Variants in HIVEP1 observed in about 807,000 individuals in gnomAD.
HIVEP1 encodes the protein HIVEP zinc finger 1, also known as zinc finger protein 40.
In HIVEP1, 36 loss-of-function variants were observed where a neutral mutation model predicts 180.0. The observed-to-expected ratio is 0.20, with a 90% CI of 0.15 to 0.26. HIVEP1 has a LOEUF of 0.26. HIVEP1 is among the 10% of genes least tolerant of loss of function. The probability of loss-of-function intolerance (pLI) is 1.00; values close to 1 mark genes in which losing one functional copy is unlikely to be tolerated. For missense variants in HIVEP1, 3,143 were observed against 3,268.7 expected, an observed-to-expected ratio of 0.96 and a Z score of 0.94; for synonymous variants, 1,239 against 1,239.0, an observed-to-expected ratio of 1.00 and a Z score of 0.00.
intron 2 of HIVEP1, among the ~76,000 whole-genome samples, chr6:12,056,365 CTG>C (rs530801882): frequency 2.0e-5 from 3 of 152,140 alleles, no homozygotes; most frequent in Non-Finnish European, 4.4e-5. Flanking sequence ...TAATAATAAT[CTG>C]TGTTTCCTTC....
At chr6:12,053,754 C>T (rs189776715) in intron 2 of HIVEP1, among the ~76,000 whole-genome samples, 2 of 152,236 alleles carry the variant, frequency 1.3e-5, no homozygotes, top group East Asian at 1.9e-4. Context: ...CATAGCAAAC[C>T]CCTTCCCCCA....
At chr6:12,016,526 A>T (rs1222569136) in intron 2 of HIVEP1, among the ~76,000 whole-genome samples, 2 of 152,202 alleles carry the variant, frequency 1.3e-5, no homozygotes, top group African/African-American at 2.4e-5. Context: ...AATTAATTTG[A>T]AATGTTTTTT....
At chr6:12,013,811 C>G (rs954092101) in intron 1 of HIVEP1, among the ~76,000 whole-genome samples, 4 of 99,812 alleles carry the variant, frequency 4.0e-5, no homozygotes, top group African/African-American at 1.5e-4. Flanking sequence ...AGATGAAATA[C>G]TTAGACCATC....
chr6:12,129,825 A>G lies in HIVEP1; in HGVS notation c.6142A>G (p.Ser2048Gly), dbSNP rs1255363448. 6.3e-7 allele frequency: 1 copy of G among 1,586,420 alleles called. No individual in the cohort carries two copies. The highest frequency in any genetic ancestry group is 8.7e-7 in the Non-Finnish European group (1 of 1,154,998). ...FSNKDASEIN[S>G]EQDKENSLIK... is the part of the protein sequence containing the mutation. ...CAATAAAGATGCCTCTGAAATTAAC[A>G]GTGAGCAAGATAAAGAAAATTCCTT... Residue 2048 changes from serine (S) to glycine (G), a missense_variant, in exon 5 of 9, where the codon AGT becomes GGT. Around this residue, in one of 12 missense-constraint regions of HIVEP1, gnomAD observed 1,357 missense variants for 1,260.5 expected, o/e 1.08. Coordinates refer to ENST00000379388, the MANE Select transcript of HIVEP1 (RefSeq NM_002114.4).
downstream of HIVEP1, among the ~76,000 whole-genome samples, chr6:12,165,911 C>T (rs569878945): frequency 6.6e-6 from 1 of 152,310 alleles, no homozygotes; most frequent in East Asian, 1.9e-4. Flanking sequence ...GTATCCTTAT[C>T]TCAATTAGGA....
At position 12,158,786 on chromosome 6, in the gene HIVEP1, C is replaced by T. The variant is rs73722706; in HGVS notation, c.6488-2653C>T. Reference sequence around the variant, plus strand: ...CAGCAGTGTCCTAAGGACAACAGTGCGTGCCGCCCTTCTCCTCACAGGATA... The same window carrying T: ...CAGCAGTGTCCTAAGGACAACAGTGTGTGCCGCCCTTCTCCTCACAGGATA... On this transcript the variant is annotated intron_variant, in intron 7 of 8. Coordinates refer to ENST00000379388, the MANE Select transcript of HIVEP1 (RefSeq NM_002114.4). Among the ~76,000 whole-genome samples, 972 of 152,280 alleles carry T rather than the reference C, an allele frequency of 6.4e-3. 6 individuals carry two copies. Among genetic ancestry groups the T allele is most frequent in the African/African-American group, 0.022 (912 of 41,540 alleles).
At chr6:12,071,339 C>T (rs527359944) in intron 2 of HIVEP1, among the ~76,000 whole-genome samples, 1 of 152,308 alleles carries the variant, frequency 6.6e-6, no homozygotes, top group South Asian at 2.1e-4. Flanking sequence ...CCAGCCAGAG[C>T]CCTCTGTGCC....
chr6:12,130,823 T>C lies in HIVEP1; in HGVS notation c.6266T>C (p.Ile2089Thr), dbSNP rs1435267062. ...CGAGGCAGGGGAAGAGGAAAATACA[T>C]TTGTGAAGAATGTGGAATACGTTGT... Reference protein sequence around the residue: ...YVRGRGRGKYICEECGIRCKK... With the variant: ...YVRGRGRGKYTCEECGIRCKK... Residue 2089 changes from isoleucine to threonine, a missense_variant, in exon 6 of 9, where the codon ATT becomes ACT. Ile to Thr is a moderately conservative substitution (Grantham distance 89). This residue lies in a region of HIVEP1 where 126 missense variants were observed against 168.5 expected (regional missense o/e 0.75). Transcript: ENST00000379388. 1 of 1,611,832 alleles carries C rather than the reference T, an allele frequency of 6.2e-7. No individual in the cohort carries two copies. The highest frequency in any genetic ancestry group is 8.5e-7 in the Non-Finnish European group (1 of 1,178,022).
At chr6:12,154,185 T>C (rs559364980) in intron 7 of HIVEP1, among the ~76,000 whole-genome samples, 1 of 152,334 alleles carries the variant, frequency 6.6e-6, no homozygotes, top group South Asian at 2.1e-4. Flanking sequence ...TCGTCTCCAT[T>C]TCCTTCTCTT....
chr6:12,147,158 A>G (rs2113636476), intron 7 of HIVEP1, among the ~76,000 whole-genome samples: 1 of 152,278 alleles, frequency 6.6e-6, no homozygotes, highest in South Asian at 2.1e-4. Flanking sequence ...GGGACAGGTA[A>G]TAGATGCTGT....
intron 3 of HIVEP1, among the ~76,000 whole-genome samples, chr6:12,104,861 T>C (rs910570579): frequency 1.8e-4 from 27 of 152,338 alleles, no homozygotes; most frequent in African/African-American, 6.3e-4. Context: ...CTTCCAGTTT[T>C]CTGAAATTTT....
chr6:12,110,820 C>T (rs1436903526), intron 3 of HIVEP1, among the ~76,000 whole-genome samples: 1 of 152,242 alleles, frequency 6.6e-6, no homozygotes, highest in Non-Finnish European at 1.5e-5. Flanking sequence ...AGCATCCTAG[C>T]CTTCAGCCTA....
chr6:12,092,719 C>T (rs1324493728), intron 3 of HIVEP1, among the ~76,000 whole-genome samples: 3 of 152,038 alleles, frequency 2.0e-5, no homozygotes, highest in Non-Finnish European at 2.9e-5. Flanking sequence ...ATGTTAAATC[C>T]TCTTTTATTC....
chr6:12,040,498 GT>G (rs1245680756), intron 2 of HIVEP1, among the ~76,000 whole-genome samples: 2 of 151,914 alleles, frequency 1.3e-5, no homozygotes, highest in Admixed American at 1.3e-4. Flanking sequence ...CTACTGTTTT[GT>G]TTTTTGTAGA....
chr6:12,077,818 G>T (rs1056603454), intron 2 of HIVEP1, among the ~76,000 whole-genome samples: 94 of 152,168 alleles, frequency 6.2e-4, no homozygotes, highest in Non-Finnish European at 4.7e-4. Flanking sequence ...TCAAGAGGGG[G>T]TTGGACAGTT....
At chr6:12,190,185 G>C in the HIVEP1 span, among the ~76,000 whole-genome samples, 1 of 152,156 alleles carries the variant, frequency 6.6e-6, no homozygotes, top group East Asian at 1.9e-4. Context: ...GAAGAAATGG[G>C]ACAGGCTGAA....
intron 2 of HIVEP1, among the ~76,000 whole-genome samples, chr6:12,055,228 A>G (rs1427105882): frequency 1.3e-5 from 2 of 152,222 alleles, no homozygotes; most frequent in African/African-American, 4.8e-5. Flanking sequence ...TAATCCCATC[A>G]CTTTGGGAGG....
At chr6:12,196,866 C>T in the HIVEP1 span, among the ~76,000 whole-genome samples, 2 of 152,178 alleles carry the variant, frequency 1.3e-5, no homozygotes, top group Non-Finnish European at 2.9e-5. Context: ...ATGCTAGGAA[C>T]TGACAAGAAA....
chr6:12,037,541 A>G (rs764597694), intron 2 of HIVEP1, among the ~76,000 whole-genome samples: 11 of 152,224 alleles, frequency 7.2e-5, no homozygotes, highest in Non-Finnish European at 1.6e-4. Context: ...GAATATAAAC[A>G]TATTTGTGGA....
Sources: gnomAD v4.1 joint callset for allele counts (sites outside exome capture counted in the v4.1 genomes callset) on GRCh38, gnomAD v4.1.1 for gene constraint, gnomAD v4.1.1 regional missense constraint, MANE v1.5 for transcripts, NCBI Gene and HGNC (gene_info 2026-07-23, HGNC 2026-07-21) for gene names.